Variants in MCF2L observed in about 807,000 individuals in gnomAD.
The protein encoded by MCF2L is guanine nucleotide exchange factor DBS.
In MCF2L, 97 loss-of-function variants were observed where a neutral mutation model predicts 153.4. The observed-to-expected ratio is 0.63, with a 90% CI of 0.54 to 0.75. The LOEUF (loss-of-function observed/expected upper bound fraction) is 0.75. MCF2L is among the 30% of genes least tolerant of loss of function. MCF2L has a pLI of 0.00. For missense variants in MCF2L, 1,347 were observed against 1,495.2 expected, an observed-to-expected ratio of 0.90 and a Z score of 1.64; for synonymous variants, 659 against 632.2, an observed-to-expected ratio of 1.04 and a Z score of -0.64.
intron 2 of MCF2L, among the ~76,000 whole-genome samples, chr13:112,954,186 C>G (rs1010237132): frequency 6.6e-6 from 1 of 152,188 alleles, no homozygotes; most frequent in African/African-American, 2.4e-5. Context: ...TGCTCTGTCT[C>G]CCTGGAACTC....
Position 112,976,135 on chromosome 13 carries a change from G to A in MCF2L, c.79+6677G>A, listed in dbSNP as rs530119652. Among the ~76,000 whole-genome samples the A allele has an allele frequency of 2.5e-5, 3 of 121,612 alleles. No individual in the cohort carries two copies. The East Asian group carries it at 7.6e-4, about 31-fold the overall frequency. The allele number at this position is 121,612 out of a possible 152,430, so 79.8% of individuals were successfully genotyped here. ...CCTCTAAATTGGGCTCTCAGCGAAT[G>A]TTCCGGGTTTTTTTTTTTGTTTGCT... On this transcript the variant is annotated intron_variant, in intron 1 of 29. Coordinates refer to ENST00000535094, the MANE Select transcript of MCF2L (RefSeq NM_001112732.3).
chr13:112,917,485 A>ACCG (rs551725696), intron 2 of MCF2L: 23 of 298,600 alleles, frequency 7.7e-5, no homozygotes, highest in South Asian at 7.1e-4. Flanking sequence ...GTCCCTCCCC[A>ACCG]CCGCCGTCTC....
At chr13:113,033,427 C>CGTG (rs2085918285) in intron 3 of MCF2L, among the ~76,000 whole-genome samples, 1 of 94,556 alleles carries the variant, frequency 1.1e-5, no homozygotes, top group African/African-American at 4.0e-5. Flanking sequence ...GAGTGGCCCC[C>CGTG]ATGATGTGAG....
intron 3 of MCF2L, among the ~76,000 whole-genome samples, chr13:113,034,918 T>C (rs1594773718): frequency 1.3e-5 from 2 of 150,686 alleles, no homozygotes; most frequent in African/African-American, 4.9e-5. Flanking sequence ...GTGAGGAAGG[T>C]CTGCCCGAGG....
In MCF2L at chr13:113,023,338, C is replaced by T. The variant is rs533102031; in HGVS notation, c.164-1306C>T. Among the ~76,000 whole-genome samples the T allele has an allele frequency of 8.5e-4, 130 of 152,202 alleles. 1 individual carries two copies. Among genetic ancestry groups the T allele is most frequent in the Non-Finnish European group, 1.7e-3 (114 of 68,032 alleles). ...CCGACAAGGACTCGGGAGGAGGCCACGGAGCCCTGTACTGAGGAGACGCCC... is the reference window on the plus strand; with the variant it reads ...CCGACAAGGACTCGGGAGGAGGCCATGGAGCCCTGTACTGAGGAGACGCCC... On this transcript the variant is annotated intron_variant, in intron 2 of 29. Coordinates refer to ENST00000535094, the MANE Select transcript of MCF2L (RefSeq NM_001112732.3).
At chr13:113,023,295 A>G (rs933317373) in intron 2 of MCF2L, among the ~76,000 whole-genome samples, 1 of 152,222 alleles carries the variant, frequency 6.6e-6, no homozygotes, top group African/African-American at 2.4e-5. Context: ...ATAATGAGTC[A>G]TGTCCCATTG....
intron 2 of MCF2L, among the ~76,000 whole-genome samples, chr13:112,921,572 C>T (rs771643039): frequency 2.6e-5 from 4 of 152,202 alleles, no homozygotes; most frequent in East Asian, 1.9e-4. Context: ...CCCATAGAGT[C>T]GGTCAACCTG....
At chr13:113,034,653 G>A (rs1205897089) in intron 3 of MCF2L, among the ~76,000 whole-genome samples, 1 of 150,610 alleles carries the variant, frequency 6.6e-6, no homozygotes, top group Admixed American at 6.6e-5. Flanking sequence ...CCTCGCCCTT[G>A]CCCTGGTCTC....
At position 113,078,456 on chromosome 13, in the gene MCF2L, A is replaced by G; in HGVS notation, c.1734+20A>G. 2 of 1,599,292 alleles carry G rather than the reference A, an allele frequency of 1.3e-6. No individual in the cohort carries two copies. Among genetic ancestry groups the G allele is most frequent in the Non-Finnish European group, 1.7e-6 (2 of 1,172,280 alleles). ...GCCAAGGTGAGGCTTGCCCAAGACAACCCCGCCATCCACACCCCCCTCCTT... is the reference window on the plus strand; with the variant it reads ...GCCAAGGTGAGGCTTGCCCAAGACAGCCCCGCCATCCACACCCCCCTCCTT... On this transcript the variant is annotated intron_variant, in intron 14 of 29. Coordinates refer to ENST00000535094, the MANE Select transcript of MCF2L (RefSeq NM_001112732.3).
intron 15 of MCF2L, 119 bp from the exon 16 acceptor site, chr13:113,081,094 G>T (rs1475693012): frequency 4.7e-6 from 4 of 858,410 alleles, no homozygotes; most frequent in Middle Eastern, 2.5e-4. Context: ...TTGGGTCGCC[G>T]CCAGTCCCCT....
intron 1 of MCF2L, among the ~76,000 whole-genome samples, chr13:112,895,530 A>G (rs112134600): frequency 0.03 from 4,539 of 152,078 alleles, 243 homozygotes; most frequent in African/African-American, 0.1. Flanking sequence ...AGCCCCCAGG[A>G]CTCCTAACAT....
intron 2 of MCF2L, among the ~76,000 whole-genome samples, chr13:112,927,819 A>G (rs563032282): frequency 6.6e-6 from 1 of 152,348 alleles, no homozygotes; most frequent in African/African-American, 2.4e-5. Context: ...GAAGCTCTAC[A>G]TGACAAATGA....
Position 113,096,605 on chromosome 13 carries a change from T to TCCGTCCGGCTCGGC in MCF2L, c.3261_3274dup (p.Gln1092ArgfsTer8), listed in dbSNP as rs766109192. ...GGGCTGGGTGCCGGCCAGCAGCCTG[T>TCCGTCCGGCTCGGC]CCGTCCGGCTCGGCCCGTCCGGCTC... On this transcript the variant is annotated frameshift_variant, in exon 29 of 30. Transcript: ENST00000535094. LOFTEE classifies it high-confidence loss of function. The TCCGTCCGGCTCGGC allele has an allele frequency of 2.8e-5, 45 of 1,601,510 alleles. No homozygotes were observed. Among genetic ancestry groups the TCCGTCCGGCTCGGC allele is most frequent in the African/African-American group, 4.0e-5 (3 of 74,954 alleles).
At chr13:112,980,885 C>T (rs556604045) in intron 1 of MCF2L, among the ~76,000 whole-genome samples, 3 of 152,342 alleles carry the variant, frequency 2.0e-5, no homozygotes, top group East Asian at 1.9e-4. Context: ...GCTCCATTCA[C>T]GCCCCACCAC....
At chr13:113,048,769 T>C (rs569378415) in intron 4 of MCF2L, among the ~76,000 whole-genome samples, 2 of 152,188 alleles carry the variant, frequency 1.3e-5, no homozygotes, top group South Asian at 2.1e-4. Context: ...ACAGACTCTG[T>C]GTAGTTAGCA....
chr13:112,939,384 T>A (rs1046309712), intron 2 of MCF2L, among the ~76,000 whole-genome samples: 1 of 152,174 alleles, frequency 6.6e-6, no homozygotes, highest in African/African-American at 2.4e-5. Flanking sequence ...TTTTCCTCAG[T>A]GGCAACACCA....
intron 2 of MCF2L, chr13:112,957,074 T>G (rs1249585955): frequency 1.3e-5 from 2 of 152,026 alleles, no homozygotes; most frequent in Non-Finnish European, 2.9e-5. Context: ...GTGCAGAGCC[T>G]TATTTACAGG....
At chr13:112,929,814 C>T (rs2081443568) in intron 2 of MCF2L, among the ~76,000 whole-genome samples, 1 of 152,218 alleles carries the variant, frequency 6.6e-6, no homozygotes, top group South Asian at 2.1e-4. Context: ...TTGGGACGGT[C>T]ACTGTGGCTG....
chr13:112,938,703 A>G (rs1594356419), intron 2 of MCF2L, among the ~76,000 whole-genome samples: 1 of 152,118 alleles, frequency 6.6e-6, no homozygotes, highest in Non-Finnish European at 1.5e-5. Context: ...AATATAAAAG[A>G]CCTGCCTTTT....
Sources: gnomAD v4.1 joint callset for allele counts (sites outside exome capture counted in the v4.1 genomes callset) on GRCh38, gnomAD v4.1.1 for gene constraint, MANE v1.5 for transcripts, NCBI Gene and HGNC (gene_info 2026-07-23, HGNC 2026-07-21) for gene names.